Variants in SCFD2 observed in about 807,000 individuals in gnomAD.
SCFD2 encodes sec1 family domain-containing protein 2.
SCFD2 carries 54 observed loss-of-function variants against 58.9 expected under a neutral mutation model. That is an observed-to-expected ratio of 0.92 (90% confidence interval 0.74 to 1.15). SCFD2 has a LOEUF of 1.15. Among genes scored for constraint, SCFD2 ranks in the 50% most tolerant of loss-of-function variants. The pLI is 0.00. For missense variants in SCFD2, 805 were observed against 836.6 expected, an observed-to-expected ratio of 0.96 and a Z score of 0.47; for synonymous variants, 321 against 335.9, an observed-to-expected ratio of 0.96 and a Z score of 0.49.
intron 8 of SCFD2, among the ~76,000 whole-genome samples, chr4:52,874,551 C>A (rs975459188): frequency 6.6e-6 from 1 of 152,208 alleles, no homozygotes; most frequent in Non-Finnish European, 1.5e-5. Context: ...CCTAGTACCA[C>A]AAACTGGGTG....
At chr4:52,990,131 T>G (rs891863761) in intron 5 of SCFD2, among the ~76,000 whole-genome samples, 20 of 152,134 alleles carry the variant, frequency 1.3e-4, no homozygotes, top group Non-Finnish European at 1.5e-5. Flanking sequence ...TTAGAAGGAG[T>G]GCTGAAGCAG....
At chr4:53,139,405 G>C (rs28657044) in intron 5 of SCFD2, among the ~76,000 whole-genome samples, 1 of 132,258 alleles carries the variant, frequency 7.6e-6, no homozygotes, top group South Asian at 2.4e-4. Flanking sequence ...CTTCCCGGCT[G>C]CCGGCCGTCA....
rs575882396 is a variant in SCFD2 at position 53,036,536 on chromosome 4, C to T, written c.1561+108797G>A. On this transcript the variant is annotated intron_variant, in intron 5 of 8. Transcript: ENST00000401642. ...CCATAAAAAAGGATAAGTTCATGTC[C>T]TTTGCAGGGACATGGATGAAGCTGG... 1.1e-4 allele frequency among the ~76,000 whole-genome samples: 17 copies of T among 151,838 alleles called. No homozygotes were observed. In the East Asian group the frequency reaches 1.2e-3, roughly 10 times the overall value.
chr4:53,357,343 C>T (rs116347932), intron 1 of SCFD2, among the ~76,000 whole-genome samples: 25,220 of 151,884 alleles, frequency 0.17, 2,645 homozygotes, highest in Admixed American at 0.27. Flanking sequence ...GCACAAGAAT[C>T]GCTTGAATCC....
At chr4:52,950,233 A>G (rs1720552512) in intron 5 of SCFD2, 1 of 152,262 alleles carries the variant, frequency 6.6e-6, no homozygotes, top group Non-Finnish European at 1.5e-5. Context: ...TTGAGTTTGT[A>G]ATGCTTGTGG....
chr4:53,361,683 G>A (rs1025178583), intron 1 of SCFD2, among the ~76,000 whole-genome samples: 1 of 152,128 alleles, frequency 6.6e-6, no homozygotes, highest in Non-Finnish European at 1.5e-5. Context: ...ACCACACCCG[G>A]TAAGAAGTGG....
intron 1 of SCFD2, 130 bp from the exon 2 acceptor site, chr4:53,352,896 T>A: frequency 1.3e-6 from 1 of 787,116 alleles, no homozygotes; most frequent in South Asian, 1.8e-5. Flanking sequence ...AAACTCACAT[T>A]TTGCCCTTCA....
chr4:53,292,267 C>G (rs1316885009), intron 3 of SCFD2, among the ~76,000 whole-genome samples: 1 of 152,072 alleles, frequency 6.6e-6, no homozygotes, highest in Non-Finnish European at 1.5e-5. Context: ...AACACACAAT[C>G]TACAGAATGA....
At chr4:53,114,659 G>C (rs1161937554) in intron 5 of SCFD2, among the ~76,000 whole-genome samples, 1 of 152,110 alleles carries the variant, frequency 6.6e-6, no homozygotes, top group Non-Finnish European at 1.5e-5. Flanking sequence ...GCTATTTTCA[G>C]TTGAAAGAAA....
intron 2 of SCFD2, among the ~76,000 whole-genome samples, chr4:53,325,093 A>G (rs1247260859): frequency 1.3e-5 from 2 of 152,190 alleles, no homozygotes; most frequent in East Asian, 1.9e-4. Flanking sequence ...TTTTCTCACC[A>G]TAAAAACTCT....
chr4:53,297,841 G>A (rs1732097377), intron 3 of SCFD2, among the ~76,000 whole-genome samples: 1 of 152,160 alleles, frequency 6.6e-6, no homozygotes, highest in South Asian at 2.1e-4. Context: ...CTCTTGTAAG[G>A]CAGGCCTGTT....
At chr4:53,146,959 C>T (rs1726350378) in intron 4 of SCFD2, among the ~76,000 whole-genome samples, 1 of 152,084 alleles carries the variant, frequency 6.6e-6, no homozygotes. Flanking sequence ...TGGAAAATAT[C>T]CCATGCAGAT....
At chr4:53,059,682 T>C (rs566371327) in intron 5 of SCFD2, among the ~76,000 whole-genome samples, 1 of 152,116 alleles carries the variant, frequency 6.6e-6, no homozygotes, top group Non-Finnish European at 1.5e-5. Flanking sequence ...ATAGCCAACT[T>C]TCAAATACTT....
chr4:52,962,481 C>T (rs764513687), intron 5 of SCFD2, among the ~76,000 whole-genome samples: 9 of 152,098 alleles, frequency 5.9e-5, no homozygotes, highest in Admixed American at 2.0e-4. Flanking sequence ...CTATAAATGT[C>T]GTCTGTAGGT....
intron 1 of SCFD2, among the ~76,000 whole-genome samples, chr4:53,357,172 A>T (rs1734425359): frequency 6.6e-6 from 1 of 152,152 alleles, no homozygotes; most frequent in African/African-American, 2.4e-5. Context: ...CTGTAATCTC[A>T]GCACTTTGGG....
chr4:53,330,544 C>T (rs999460114), intron 2 of SCFD2, among the ~76,000 whole-genome samples: 6 of 152,042 alleles, frequency 3.9e-5, no homozygotes, highest in South Asian at 4.2e-4. Context: ...CAAGCAAATG[C>T]TGAGAGATTT....
At chr4:53,325,631 A>C (rs527356123) in intron 2 of SCFD2, among the ~76,000 whole-genome samples, 1 of 152,352 alleles carries the variant, frequency 6.6e-6, no homozygotes, top group South Asian at 2.1e-4. Context: ...ACAAAAAATA[A>C]AAATAAGTAG....
intron 6 of SCFD2, among the ~76,000 whole-genome samples, chr4:52,916,188 T>C (rs1719597243): frequency 6.6e-6 from 1 of 152,228 alleles, no homozygotes; most frequent in South Asian, 2.1e-4. Flanking sequence ...AGTTGAGGAA[T>C]GGCATCACAT....
At chr4:53,126,559 G>A (rs1725635113) in intron 5 of SCFD2, among the ~76,000 whole-genome samples, 1 of 152,156 alleles carries the variant, frequency 6.6e-6, no homozygotes, top group Non-Finnish European at 1.5e-5. Flanking sequence ...TAAGTGATCT[G>A]CCCGCCTCAG....
Sources: allele counts gnomAD v4.1 joint callset (sites outside exome capture counted in the v4.1 genomes callset), GRCh38; gene constraint gnomAD v4.1.1; transcripts MANE v1.5; gene names NCBI Gene and HGNC (gene_info 2026-07-23, HGNC 2026-07-21).